Variants in DPP10 observed in about 807,000 individuals in gnomAD.
The protein encoded by DPP10 is inactive dipeptidyl peptidase 10.
DPP10 carries 33 observed loss-of-function variants against 120.9 expected under a neutral mutation model. The observed-to-expected ratio is 0.27, with a 90% CI of 0.21 to 0.37. The LOEUF is 0.37. Ranked by LOEUF, DPP10 falls within the 10% of genes least tolerant of loss-of-function variation. The probability of loss-of-function intolerance (pLI) is 1.00; values close to 1 mark genes in which losing one functional copy is unlikely to be tolerated. For synonymous variants in DPP10, 337 were observed against 326.1 expected, an observed-to-expected ratio of 1.03 and a Z score of -0.36; for missense variants, 816 against 942.8, an observed-to-expected ratio of 0.87 and a Z score of 1.76.
At chr2:115,379,726 G>A (rs1331559321) in intron 3 of DPP10, among the ~76,000 whole-genome samples, 1 of 152,060 alleles carries the variant, frequency 6.6e-6, no homozygotes. Flanking sequence ...TGCTTTGAAT[G>A]CGTCCCAGAG....
At chr2:115,831,146 A>G (rs945617286) in intron 21 of DPP10, among the ~76,000 whole-genome samples, 1 of 152,254 alleles carries the variant, frequency 6.6e-6, no homozygotes, top group African/African-American at 2.4e-5. Context: ...TCTTGTATTT[A>G]TAAAATTCTT....
intron 21 of DPP10, among the ~76,000 whole-genome samples, chr2:115,819,083 C>A (rs1417427654): frequency 6.6e-6 from 1 of 152,188 alleles, no homozygotes; most frequent in Non-Finnish European, 1.5e-5. Flanking sequence ...ATGCTAACCT[C>A]ATAAAACGGG....
chr2:114,697,749 C>CA (rs1205351658), intron 1 of DPP10, among the ~76,000 whole-genome samples: 36,607 of 88,712 alleles, frequency 0.41, 6,800 homozygotes, highest in South Asian at 0.53. Context: ...GACTCTGTCT[C>CA]AAAAAAAAAA....
intron 1 of DPP10, among the ~76,000 whole-genome samples, chr2:114,533,081 G>T (rs1686177464): frequency 6.6e-6 from 1 of 152,146 alleles, no homozygotes; most frequent in Non-Finnish European, 1.5e-5. Context: ...TGAGAATCAT[G>T]CTTACCAAGG....
At chr2:115,327,363 T>C (rs2062429797) in intron 2 of DPP10, among the ~76,000 whole-genome samples, 1 of 152,036 alleles carries the variant, frequency 6.6e-6, no homozygotes, top group South Asian at 2.1e-4. Flanking sequence ...TTGTTAAAAA[T>C]CATGATGAAT....
chr2:115,734,300 A>G (rs2092979529), intron 8 of DPP10, among the ~76,000 whole-genome samples: 8 of 152,150 alleles, frequency 5.3e-5, no homozygotes. Flanking sequence ...TGTTTCTTAG[A>G]AATCTAGAGT....
At chr2:115,496,559 A>AT (rs906030518) in intron 3 of DPP10, among the ~76,000 whole-genome samples, 1 of 152,050 alleles carries the variant, frequency 6.6e-6, no homozygotes, top group Non-Finnish European at 1.5e-5. Flanking sequence ...CTCATTTAAG[A>AT]TTTTCTTTCA....
chr2:114,988,332 G>A (rs1700551167), intron 1 of DPP10, among the ~76,000 whole-genome samples: 1 of 152,200 alleles, frequency 6.6e-6, no homozygotes, highest in Admixed American at 6.5e-5. Context: ...GGTATCAAAT[G>A]ATCATTTTGT....
chr2:115,383,294 A>G (rs1574649802), intron 3 of DPP10, among the ~76,000 whole-genome samples: 1 of 152,160 alleles, frequency 6.6e-6, no homozygotes, highest in African/African-American at 2.4e-5. Flanking sequence ...CTCACAAGAT[A>G]TGATGGTTTT....
At chr2:115,380,884 A>G (rs1429156266) in intron 3 of DPP10, among the ~76,000 whole-genome samples, 1 of 151,340 alleles carries the variant, frequency 6.6e-6, no homozygotes, top group Non-Finnish European at 1.5e-5. Context: ...ATTGGCCCCC[A>G]CTCTCTTCTG....
At chr2:115,347,981 T>C (rs1455518284) in intron 3 of DPP10, among the ~76,000 whole-genome samples, 1 of 151,774 alleles carries the variant, frequency 6.6e-6, no homozygotes. Context: ...GATTTGGGAG[T>C]AATGGGATTT....
At chr2:114,575,660 A>G (rs900331774) in intron 1 of DPP10, among the ~76,000 whole-genome samples, 2 of 152,204 alleles carry the variant, frequency 1.3e-5, no homozygotes, top group African/African-American at 4.8e-5. Context: ...AGGGGCTAAA[A>G]TCTGTTAATC....
At chr2:115,827,683 C>A (rs1200985392) in intron 21 of DPP10, among the ~76,000 whole-genome samples, 1 of 150,112 alleles carries the variant, frequency 6.7e-6, no homozygotes, top group Non-Finnish European at 1.5e-5. Context: ...GCAATCTCCA[C>A]CTCCCGAGTT....
intron 1 of DPP10, among the ~76,000 whole-genome samples, chr2:114,663,911 T>C (rs1697691417): frequency 7.0e-6 from 1 of 142,618 alleles, no homozygotes; most frequent in Non-Finnish European, 1.5e-5. Flanking sequence ...TAATAAGCAC[T>C]CGATAAATCA....
chr2:115,265,453 A>G (rs1161845064), intron 1 of DPP10, among the ~76,000 whole-genome samples: 2 of 152,086 alleles, frequency 1.3e-5, no homozygotes, highest in Non-Finnish European at 2.9e-5. Context: ...TGATTTTACA[A>G]AAATCCTGGC....
At chr2:115,249,124 C>T (rs1469421924) in intron 1 of DPP10, among the ~76,000 whole-genome samples, 1 of 151,976 alleles carries the variant, frequency 6.6e-6, no homozygotes, top group African/African-American at 2.4e-5. Flanking sequence ...GAATAGATAG[C>T]TTTTCAGCAT....
intron 5 of DPP10, among the ~76,000 whole-genome samples, chr2:115,676,643 C>T (rs1298867027): frequency 6.6e-6 from 1 of 151,636 alleles, no homozygotes; most frequent in Non-Finnish European, 1.5e-5. Context: ...AATGCATTAG[C>T]CAAAAGAGGA....
At chr2:115,608,384 C>T (rs1041971297) in intron 5 of DPP10, among the ~76,000 whole-genome samples, 4 of 151,132 alleles carry the variant, frequency 2.6e-5, no homozygotes, top group African/African-American at 9.7e-5. Flanking sequence ...AACAAGACAC[C>T]GTCTCAAACA....
intron 1 of DPP10, chr2:115,144,996 T>C (rs550279058): frequency 3.3e-5 from 5 of 152,182 alleles, no homozygotes; most frequent in South Asian, 4.1e-4. Context: ...GGCAGTCTGA[T>C]TGAAGCTTAT....
Sources: allele counts gnomAD v4.1 joint callset (sites outside exome capture counted in the v4.1 genomes callset), GRCh38; gene constraint gnomAD v4.1.1; transcripts MANE v1.5; gene names NCBI Gene and HGNC (gene_info 2026-07-23, HGNC 2026-07-21).